STK32B: variants seen among roughly 807,000 people sequenced by gnomAD.
STK32B encodes the protein serine/threonine kinase 32B.
Under a neutral mutation model 52.6 loss-of-function variants are expected in STK32B, and 43 were observed. The ratio of observed to expected loss-of-function variants is 0.82; its 90% CI spans 0.64 to 1.05. The LOEUF is 1.05. Ranked by LOEUF, STK32B falls within the 50% of genes least tolerant of loss-of-function variation. The pLI is 0.00. For synonymous variants in STK32B, 238 were observed against 204.3 expected, an observed-to-expected ratio of 1.17 and a Z score of -1.41; for missense variants, 621 against 534.6, an observed-to-expected ratio of 1.16 and a Z score of -1.59.
chr4:5,129,675 A>G (rs192787679), intron 1 of STK32B, among the ~76,000 whole-genome samples: 10 of 152,298 alleles, frequency 6.6e-5, no homozygotes, highest in African/African-American at 1.9e-4. Flanking sequence ...GTGTGCCTCA[A>G]CCTTTAGTAC....
chr4:5,264,317 T>C (rs2108848565), intron 3 of STK32B, among the ~76,000 whole-genome samples: 1 of 152,332 alleles, frequency 6.6e-6, no homozygotes, highest in Middle Eastern at 3.4e-3. Flanking sequence ...GTTAGTTTTC[T>C]TAATTATAGC....
chr4:5,500,550 C>CCAA lies in STK32B; in HGVS notation c.*1469_*1471dup, dbSNP rs1720644758. 1.3e-5 allele frequency: 2 copies of CCAA among 152,118 alleles called. No individual in the cohort carries two copies. Among genetic ancestry groups the CCAA allele is most frequent in the South Asian group, 2.1e-4 (1 of 4,828 alleles). The allele number at this position is 152,118 out of a possible 1,614,324, so 9.4% of individuals were successfully genotyped here. A position where few individuals can be genotyped will look rare whatever the true frequency, so the allele number is the denominator to read the frequency against. On this transcript the variant is annotated 3_prime_UTR_variant, in exon 12 of 12. Coordinates refer to ENST00000282908, the MANE Select transcript of STK32B (RefSeq NM_018401.3). ...TTCGACTGTGTTTTTATTTTTTCAT[C>CCAA]CAACTTCCATTTTTCACTTTTTACA...
At chr4:5,415,823 C>G (rs1321251334) in intron 5 of STK32B, among the ~76,000 whole-genome samples, 2 of 152,064 alleles carry the variant, frequency 1.3e-5, no homozygotes, top group African/African-American at 4.8e-5. Context: ...TCAGGCATGC[C>G]CCTCCCATAT....
chr4:5,401,069 G>A (rs1428643264), intron 5 of STK32B, among the ~76,000 whole-genome samples: 4 of 152,096 alleles, frequency 2.6e-5, no homozygotes, highest in Admixed American at 6.5e-5. Flanking sequence ...GAGACAGTGG[G>A]GCAGAACTGC....
At chr4:5,306,675 C>G (rs1056774543) in intron 3 of STK32B, among the ~76,000 whole-genome samples, 6 of 152,098 alleles carry the variant, frequency 3.9e-5, no homozygotes, top group African/African-American at 1.4e-4. Flanking sequence ...CTGTTCTATT[C>G]ATTGTGCTGT....
intron 11 of STK32B, among the ~76,000 whole-genome samples, chr4:5,493,978 T>C (rs1453953089): frequency 1.3e-5 from 2 of 152,394 alleles, no homozygotes; most frequent in Middle Eastern, 3.4e-3. Flanking sequence ...CTACATTTGC[T>C]GAGGAGAGCT....
At chr4:5,107,632 T>C (rs770980902) in intron 1 of STK32B, among the ~76,000 whole-genome samples, 1 of 152,232 alleles carries the variant, frequency 6.6e-6, no homozygotes, top group Non-Finnish European at 1.5e-5. Flanking sequence ...AATATATCAT[T>C]CTTTCTATGT....
At chr4:5,230,793 A>G (rs1433271068) in intron 3 of STK32B, among the ~76,000 whole-genome samples, 2 of 152,218 alleles carry the variant, frequency 1.3e-5, no homozygotes, top group Non-Finnish European at 2.9e-5. Context: ...CTACCGTTAC[A>G]GAGGGGAGAT....
At position 5,414,358 on chromosome 4, in the gene STK32B, C is replaced by T. The variant is rs936631516; in HGVS notation, c.473-2487C>T. Among the ~76,000 whole-genome samples the T allele has an allele frequency of 6.8e-3, 1,028 of 151,472 alleles. 7 individuals carry two copies. Among genetic ancestry groups the T allele is most frequent in the African/African-American group, 0.023 (952 of 41,394 alleles). ...ACTCCATACAGGTTTGGAGGAACAC[C>T]TTGTAATCAAATACATTAATATTTC... On this transcript the variant is annotated intron_variant, in intron 5 of 11. Transcript: ENST00000282908.
At chr4:5,373,544 A>G (rs973582340) in intron 4 of STK32B, among the ~76,000 whole-genome samples, 7 of 152,160 alleles carry the variant, frequency 4.6e-5, no homozygotes, top group African/African-American at 1.7e-4. Context: ...ACCCCCTCTT[A>G]AGGGAGGCAA....
At chr4:5,188,411 C>G (rs1054371016) in intron 3 of STK32B, among the ~76,000 whole-genome samples, 4 of 152,158 alleles carry the variant, frequency 2.6e-5, no homozygotes, top group Admixed American at 2.6e-4. Flanking sequence ...CATGGCAGCT[C>G]CCCATGGTTT....
chr4:5,182,215 C>T (rs1720418237), intron 3 of STK32B, among the ~76,000 whole-genome samples: 1 of 152,212 alleles, frequency 6.6e-6, no homozygotes, highest in Non-Finnish European at 1.5e-5. Flanking sequence ...TTGCTACTTA[C>T]ACCACATCTG....
intron 3 of STK32B, among the ~76,000 whole-genome samples, chr4:5,275,530 T>A (rs1727755439): frequency 6.6e-6 from 1 of 152,010 alleles, no homozygotes; most frequent in Admixed American, 6.6e-5. Context: ...GTTTCCCGTC[T>A]TCACCATCCC....
At chr4:5,498,446 C>CTTTTGTCATTGA (rs1720468481) in intron 11 of STK32B, among the ~76,000 whole-genome samples, 2 of 152,166 alleles carry the variant, frequency 1.3e-5, no homozygotes, top group Non-Finnish European at 2.9e-5. Context: ...CCTGTCTCCC[C>CTTTTGTCATTGA]TTTTGTCATT....
the STK32B span, among the ~76,000 whole-genome samples, chr4:5,023,019 GTA>G: frequency 2.0e-3 from 310 of 151,242 alleles, no homozygotes; most frequent in Non-Finnish European, 3.2e-3. Flanking sequence ...GTGTGTGTGT[GTA>G]TATGTGTGTG....
intron 4 of STK32B, among the ~76,000 whole-genome samples, chr4:5,352,789 T>C (rs1733921896): frequency 6.6e-6 from 1 of 151,926 alleles, no homozygotes; most frequent in Non-Finnish European, 1.5e-5. Flanking sequence ...CAGTTTCGAT[T>C]CATCAATAAT....
intron 5 of STK32B, 102 bp from the exon 6 acceptor site, chr4:5,416,743 C>G (rs1211842924): frequency 1.2e-6 from 1 of 850,692 alleles, no homozygotes; most frequent in East Asian, 2.7e-5. Flanking sequence ...AATAGAAGTT[C>G]TAATGTTTTC....
chr4:5,246,452 GT>G lies in STK32B; in HGVS notation c.260+78007del, dbSNP rs1273843391. 5.9e-5 allele frequency among the ~76,000 whole-genome samples: 9 copies of G among 152,084 alleles called. 1 individual carries two copies. In the East Asian group the frequency reaches 9.6e-4, roughly 16 times the overall value. The stretch of plus-strand genomic sequence containing the variant: ...CTACTTTAAGGACTTCTCTGCATTG[GT>G]TTTTCTAGTTATCCATTTGTCTAAC... On this transcript the variant is annotated intron_variant, in intron 3 of 11. Transcript: ENST00000282908.
intron 1 of STK32B, among the ~76,000 whole-genome samples, chr4:5,135,417 C>G (rs565919877): frequency 6.6e-6 from 1 of 152,232 alleles, no homozygotes; most frequent in Non-Finnish European, 1.5e-5. Context: ...GTTCTTTGGC[C>G]TCTTAGTAAA....
Sources: gnomAD v4.1 joint callset for allele counts (sites outside exome capture counted in the v4.1 genomes callset) on GRCh38, gnomAD v4.1.1 for gene constraint, MANE v1.5 for transcripts, NCBI Gene and HGNC (gene_info 2026-07-23, HGNC 2026-07-21) for gene names.